The following RP1 variants were observed in gnomAD, a reference collection of about 807,000 sequenced individuals.
RP1 encodes the protein oxygen-regulated protein 1.
A neutral mutation model predicts 14.8 loss-of-function variants in RP1; 16 were observed. The ratio of observed to expected loss-of-function variants is 1.08; its 90% CI spans 0.73 to 1.65. The LOEUF (loss-of-function observed/expected upper bound fraction) is 1.65. Ranked by LOEUF, RP1 falls within the 40% of genes most tolerant of loss-of-function variation. The pLI, the probability that RP1 is intolerant of heterozygous loss-of-function variation, is 0.00. For missense variants in RP1, 2,631 were observed against 2,535.0 expected (o/e 1.04, Z -0.81); for synonymous variants, 876 against 883.6 (o/e 0.99, Z 0.15).
At chr8:54,790,734 C>T (rs559895172) in intron 24 of RP1, among the ~76,000 whole-genome samples, 62 of 152,180 alleles carry the variant, frequency 4.1e-4, no homozygotes, top group Middle Eastern at 3.4e-3. Context: ...CAACATTTGA[C>T]TCAATAAAGA....
At chr8:54,583,505 C>T (rs550993802) in intron 1 of RP1, among the ~76,000 whole-genome samples, 2 of 152,300 alleles carry the variant, frequency 1.3e-5, no homozygotes, top group East Asian at 1.9e-4. Flanking sequence ...CAGGATGATG[C>T]TGGCCTCATA....
intron 1 of RP1, among the ~76,000 whole-genome samples, chr8:54,604,530 T>C (rs929189795): frequency 2.0e-5 from 3 of 152,200 alleles, no homozygotes; most frequent in Non-Finnish European, 4.4e-5. Flanking sequence ...CAGGCTTTGG[T>C]ATCAGGATGA....
chr8:54,766,242 T>G (rs750417188), intron 22 of RP1, among the ~76,000 whole-genome samples: 16 of 152,148 alleles, frequency 1.1e-4, no homozygotes, highest in Admixed American at 2.0e-4. Context: ...ATGAATGATA[T>G]AGATAAAAAA....
intron 16 of RP1, among the ~76,000 whole-genome samples, chr8:54,725,147 A>G (rs926152836): frequency 3.3e-5 from 5 of 152,208 alleles, no homozygotes; most frequent in Admixed American, 1.3e-4. Flanking sequence ...TGACTGGAAG[A>G]TAGTTTATCT....
chr8:54,761,691 G>C (rs1809644124), intron 22 of RP1, among the ~76,000 whole-genome samples: 1 of 152,126 alleles, frequency 6.6e-6, no homozygotes, highest in South Asian at 2.1e-4. Flanking sequence ...TAATGTAACA[G>C]ATATAAAATA....
At chr8:54,801,581 G>A (rs1055356561) in intron 24 of RP1, among the ~76,000 whole-genome samples, 2 of 151,170 alleles carry the variant, frequency 1.3e-5, no homozygotes, top group African/African-American at 4.9e-5. Flanking sequence ...TTCCGCCTTG[G>A]CTGCCGTTAC....
At chr8:54,845,904 A>G (rs1811906836) in intron 25 of RP1, among the ~76,000 whole-genome samples, 1 of 152,116 alleles carries the variant, frequency 6.6e-6, no homozygotes, top group Non-Finnish European at 1.5e-5. Flanking sequence ...TGAAACATCT[A>G]CTGGTCCTAA....
At chr8:54,725,452 T>C (rs1375133413) in intron 16 of RP1, among the ~76,000 whole-genome samples, 1 of 152,202 alleles carries the variant, frequency 6.6e-6, no homozygotes, top group Non-Finnish European at 1.5e-5. Flanking sequence ...AATAACAATG[T>C]AATCATGGGC....
At chr8:54,837,109 A>C (rs924304288) in intron 24 of RP1, among the ~76,000 whole-genome samples, 1 of 151,872 alleles carries the variant, frequency 6.6e-6, no homozygotes, top group Non-Finnish European at 1.5e-5. Context: ...ATAACACCAG[A>C]GCATAGGATT....
intron 1 of RP1, among the ~76,000 whole-genome samples, chr8:54,583,591 G>A (rs1187136284): frequency 6.6e-6 from 1 of 152,156 alleles, no homozygotes; most frequent in Non-Finnish European, 1.5e-5. Context: ...GTTCCTCCTT[G>A]TACCTCTGGT....
chr8:54,701,435 A>ATT, intron 13 of RP1: 4 of 1,357,136 alleles, frequency 2.9e-6, no homozygotes, highest in South Asian at 1.5e-5. Flanking sequence ...ATTACATTAA[A>ATT]TTTTTTTTTT....
chr8:54,587,039 C>T lies in RP1; in HGVS notation c.-13+27719C>T, dbSNP rs1050258305. Among the ~76,000 whole-genome samples, 5 of 152,170 alleles carry T rather than the reference C, an allele frequency of 3.3e-5. No individual in the cohort carries two copies. The East Asian group carries it at 9.7e-4, about 29-fold the overall frequency. On this transcript the variant is annotated intron_variant, in intron 1 of 22. Coordinates refer to the RP1 transcript ENST00000636932. ...TCTGACACTCCCCAGTGAGATGAAC[C>T]CAGTACCTCAGTTGGAAATGCAGAA...
intron 24 of RP1, among the ~76,000 whole-genome samples, chr8:54,789,676 C>T (rs1345005081): frequency 2.0e-5 from 3 of 152,174 alleles, no homozygotes; most frequent in Non-Finnish European, 4.4e-5. Context: ...GGAGCATAGC[C>T]TGATGGAACA....
chr8:54,762,020 T>C (rs953629723), intron 22 of RP1, among the ~76,000 whole-genome samples: 1 of 152,116 alleles, frequency 6.6e-6, no homozygotes, highest in East Asian at 1.9e-4. Context: ...CCATGGAGCC[T>C]GGAAGGCTGT....
chr8:54,845,194 C>T (rs73604979), intron 25 of RP1, among the ~76,000 whole-genome samples: 8,720 of 152,154 alleles, frequency 0.057, 789 homozygotes, highest in African/African-American at 0.19. Context: ...CAATGACTAT[C>T]GGGGAGGAGC....
exon 24 of RP1, chr8:54,783,634 C>G (rs1172156861): frequency 1.6e-6 from 2 of 1,231,340 alleles, no homozygotes; most frequent in African/African-American, 3.1e-5. Context: ...TATGGAGAAA[C>G]AAAATGTTCA....
At chr8:54,789,929 C>T (rs1233417466) in intron 24 of RP1, among the ~76,000 whole-genome samples, 1 of 152,212 alleles carries the variant, frequency 6.6e-6, no homozygotes, top group Non-Finnish European at 1.5e-5. Context: ...AACTGCAGAG[C>T]TCAGCCTGCA....
chr8:54,831,656 CA>C (rs1811532804), intron 24 of RP1, among the ~76,000 whole-genome samples: 1 of 151,682 alleles, frequency 6.6e-6, no homozygotes, highest in Non-Finnish European at 1.5e-5. Flanking sequence ...TTGCTTTAAA[CA>C]GTCCATTGAT....
chr8:54,848,352 G>A (rs541973976), intron 25 of RP1, among the ~76,000 whole-genome samples: 1 of 152,342 alleles, frequency 6.6e-6, no homozygotes, highest in Non-Finnish European at 1.5e-5. Context: ...CTGAAGACAA[G>A]GTCCTGGTGG....
Sources: gnomAD v4.1 joint callset for allele counts (sites outside exome capture counted in the v4.1 genomes callset) on GRCh38, gnomAD v4.1.1 for gene constraint, MANE v1.5 for transcripts, NCBI Gene and HGNC (gene_info 2026-07-23, HGNC 2026-07-21) for gene names.